FAM81A: variants seen among roughly 807,000 people sequenced by gnomAD.
FAM81A encodes the protein family with sequence similarity 81 member A.
Under a neutral mutation model 46.7 loss-of-function variants are expected in FAM81A, and 19 were observed. The ratio of observed to expected loss-of-function variants is 0.41; its 90% confidence interval spans 0.28 to 0.60. The LOEUF (loss-of-function observed/expected upper bound fraction) is 0.60. Ranked by LOEUF, FAM81A falls within the 20% of genes least tolerant of loss-of-function variation. FAM81A has a pLI of 0.34. For missense variants in FAM81A, 377 were observed against 453.5 expected (o/e 0.83, Z 1.53); for synonymous variants, 183 against 152.9 (o/e 1.20, Z -1.45).
chr15:59,455,962 CAT>C (rs1289496530), intron 1 of FAM81A, among the ~76,000 whole-genome samples: 2 of 152,300 alleles, frequency 1.3e-5, no homozygotes, highest in East Asian at 3.9e-4. Flanking sequence ...CATTAACAAA[CAT>C]ATATGGATAC....
At chr15:59,518,207 A>C (rs184413215) in intron 8 of FAM81A, among the ~76,000 whole-genome samples, 1 of 150,162 alleles carries the variant, frequency 6.7e-6, no homozygotes, top group African/African-American at 2.5e-5. Context: ...TGAACCCCCA[A>C]CCTCAAATGA....
intron 3 of FAM81A, among the ~76,000 whole-genome samples, chr15:59,463,225 T>A (rs1055750605): frequency 6.6e-6 from 1 of 152,174 alleles, no homozygotes; most frequent in Non-Finnish European, 1.5e-5. Flanking sequence ...TTTTTTTTCA[T>A]CTCGCTATCT....
chr15:59,492,409 G>A lies in FAM81A; in HGVS notation c.413+20G>A, dbSNP rs779697825. On this transcript the variant is annotated intron_variant, in intron 4 of 8. Transcript: ENST00000288228. ...GGCAAGGTAGGTGTTCAAATGTTGG[G>A]GTCTCTGCTCATCAAAAACCATTTT... 1 of 1,593,410 alleles carries A rather than the reference G, an allele frequency of 6.3e-7. No homozygotes were observed. Among genetic ancestry groups the A allele is most frequent in the South Asian group, 1.1e-5 (1 of 89,410 alleles).
intron 4 of FAM81A, 58 bp from the exon 5 acceptor site, chr15:59,507,155 C>A (rs4453410): frequency 5.1e-6 from 8 of 1,556,816 alleles, no homozygotes; most frequent in Non-Finnish European, 6.1e-6. Context: ...TATAAGGAAG[C>A]TTTTGCGCAT....
intron 6 of FAM81A, among the ~76,000 whole-genome samples, chr15:59,511,517 G>A (rs188316653): frequency 3.3e-5 from 5 of 152,324 alleles, no homozygotes; most frequent in African/African-American, 1.2e-4. Flanking sequence ...TGAGTAAAAT[G>A]TGAAGTAGTA....
chr15:59,491,294 G>A (rs1441323722), intron 3 of FAM81A, among the ~76,000 whole-genome samples: 5 of 152,136 alleles, frequency 3.3e-5, no homozygotes, highest in Non-Finnish European at 4.4e-5. Context: ...ATTATGTTAA[G>A]TGAAATGAAA....
At chr15:59,514,627 C>G (rs952990951) in intron 7 of FAM81A, among the ~76,000 whole-genome samples, 1 of 152,168 alleles carries the variant, frequency 6.6e-6, no homozygotes, top group African/African-American at 2.4e-5. Flanking sequence ...TTAACAAAGA[C>G]TAAGTAGAAA....
In FAM81A at chr15:59,460,573, CTG is replaced by C; in HGVS notation, c.294+369_294+370del. The C allele has an allele frequency of 2.8e-5, 10 of 358,812 alleles. No individual in the cohort carries two copies. Among genetic ancestry groups the C allele is most frequent in the East Asian group, 2.1e-4 (3 of 14,002 alleles). 22.2% of individuals were successfully genotyped at this position (358,812 alleles called of 1,614,324 possible). On this transcript the variant is annotated intron_variant, in intron 3 of 8. Transcript: ENST00000288228. This position sits in a 1 kb window ranked among gnomAD's most constrained non-coding sequence, Gnocchi z 4.4. ...TTAAGTCAATTACTAAGGTCAGACT[CTG>C]TTGCTTCAGATTAAATGTTTCTAGG...
intron 2 of FAM81A, among the ~76,000 whole-genome samples, chr15:59,427,246 G>A (rs375903695): frequency 2.0e-5 from 3 of 152,052 alleles, no homozygotes; most frequent in African/African-American, 7.3e-5. Context: ...GAGCAGCTGG[G>A]ATCACAGGTG....
intron 2 of FAM81A, among the ~76,000 whole-genome samples, chr15:59,413,901 T>C (rs1321503480): frequency 6.6e-6 from 1 of 152,212 alleles, no homozygotes; most frequent in African/African-American, 2.4e-5. Flanking sequence ...GTCAGGCTGC[T>C]GTGAGGCTCT....
At chr15:59,487,885 TTCC>T (rs1245567666) in intron 3 of FAM81A, among the ~76,000 whole-genome samples, 1 of 152,154 alleles carries the variant, frequency 6.6e-6, no homozygotes, top group Non-Finnish European at 1.5e-5. Flanking sequence ...GAGGAAATAC[TTCC>T]AAACTCATTC....
At chr15:59,454,826 G>A (rs1399951182) in intron 1 of FAM81A, among the ~76,000 whole-genome samples, 3 of 151,512 alleles carry the variant, frequency 2.0e-5, no homozygotes, top group Admixed American at 1.3e-4. Context: ...TTGTAGAGAC[G>A]GGGTTTTGCT....
At chr15:59,509,216 A>G (rs2082179468) in intron 6 of FAM81A, among the ~76,000 whole-genome samples, 1 of 152,216 alleles carries the variant, frequency 6.6e-6, no homozygotes, top group Non-Finnish European at 1.5e-5. Context: ...CTAGGGGCTG[A>G]GGATCTGGGT....
chr15:59,521,448 A>G lies in FAM81A; in HGVS notation c.*70A>G. On this transcript the variant is annotated 3_prime_UTR_variant, in exon 9 of 9. Transcript: ENST00000288228. ...CTAGGAGCCGGATACCTCTGTAGCCAGGCCATCGCTGCATTCAGGATTGTT... is the reference window on the plus strand; with the variant it reads ...CTAGGAGCCGGATACCTCTGTAGCCGGGCCATCGCTGCATTCAGGATTGTT... 1 of 1,507,060 alleles carries G rather than the reference A, an allele frequency of 6.6e-7. No homozygotes were observed. The highest frequency in any genetic ancestry group is 8.9e-7 in the Non-Finnish European group (1 of 1,123,778). The allele number at this position is 1,507,060 out of a possible 1,614,324, so 93.4% of individuals were successfully genotyped here.
chr15:59,520,449 T>C (rs768520622), intron 8 of FAM81A, among the ~76,000 whole-genome samples: 1 of 152,224 alleles, frequency 6.6e-6, no homozygotes, highest in Non-Finnish European at 1.5e-5. Context: ...TTGTCATGTT[T>C]CTTTATTTAG....
chr15:59,449,220 A>G (rs2081386532), intron 1 of FAM81A, among the ~76,000 whole-genome samples: 1 of 152,160 alleles, frequency 6.6e-6, no homozygotes, highest in South Asian at 2.1e-4. Context: ...GAGTCTAACA[A>G]TTTGACTCCC....
intron 1 of FAM81A, among the ~76,000 whole-genome samples, chr15:59,442,618 C>CAAAAAAAAAAAAAAAAAAA (rs1196305104): frequency 1.3e-5 from 1 of 76,698 alleles, no homozygotes; most frequent in Non-Finnish European, 2.7e-5. Context: ...CTCCGTCTCT[C>CAAAAAAAAAAAAAAAAAAA]AAAAAAAAAA....
chr15:59,502,389 T>C (rs541250622), intron 4 of FAM81A, among the ~76,000 whole-genome samples: 1 of 152,020 alleles, frequency 6.6e-6, no homozygotes, highest in East Asian at 1.9e-4. Flanking sequence ...GTCCATGTGT[T>C]CTCATTGTTC....
intron 1 of FAM81A, among the ~76,000 whole-genome samples, chr15:59,399,006 A>G (rs2081059276): frequency 6.6e-6 from 1 of 151,980 alleles, no homozygotes; most frequent in South Asian, 2.1e-4. Flanking sequence ...CGTCTCTACT[A>G]AAAATACAAA....
Sources: gnomAD v4.1 joint callset for allele counts (sites outside exome capture counted in the v4.1 genomes callset) on GRCh38, gnomAD v4.1.1 for gene constraint, Gnocchi (gnomAD v3.1) non-coding constraint, MANE v1.5 for transcripts, NCBI Gene and HGNC (gene_info 2026-07-23, HGNC 2026-07-21) for gene names.